Variants in NPAS3 observed in about 807,000 individuals in gnomAD.
The protein encoded by NPAS3 is neuronal PAS domain-containing protein 3.
A neutral mutation model predicts 73.1 loss-of-function variants in NPAS3; 14 were observed. The ratio of observed to expected loss-of-function variants is 0.19; its 90% CI spans 0.13 to 0.30. NPAS3 has a LOEUF of 0.30. Among genes scored for constraint, NPAS3 ranks in the 10% least tolerant of loss-of-function variants. NPAS3 has a pLI of 1.00. For missense variants in NPAS3, 1,096 were observed against 1,250.0 expected, an observed-to-expected ratio of 0.88 and a Z score of 1.86; for synonymous variants, 620 against 541.5, an observed-to-expected ratio of 1.14 and a Z score of -2.01.
chr14:33,324,909 G>C (rs1218891269), intron 3 of NPAS3, among the ~76,000 whole-genome samples: 2 of 152,098 alleles, frequency 1.3e-5, no homozygotes, highest in African/African-American at 4.8e-5. Context: ...TCAAAGCCCT[G>C]GATGTTACAG....
At chr14:33,771,816 A>G (rs2062663532) in intron 7 of NPAS3, among the ~76,000 whole-genome samples, 1 of 152,190 alleles carries the variant, frequency 6.6e-6, no homozygotes, top group Admixed American at 6.5e-5. Context: ...ATCTCAAAAA[A>G]AAAAAAATTG....
chr14:33,172,112 C>T (rs138520835), intron 2 of NPAS3, among the ~76,000 whole-genome samples: 216 of 152,168 alleles, frequency 1.4e-3, no homozygotes, highest in African/African-American at 4.0e-3. Flanking sequence ...CACTGATCAC[C>T]CACCACATAA....
At chr14:33,561,339 G>A (rs1411759244) in intron 5 of NPAS3, among the ~76,000 whole-genome samples, 3 of 152,200 alleles carry the variant, frequency 2.0e-5, no homozygotes, top group Non-Finnish European at 4.4e-5. Flanking sequence ...GATTTGGCAT[G>A]TAAGGAGGCT....
At chr14:33,687,692 A>T (rs1046710444) in intron 6 of NPAS3, among the ~76,000 whole-genome samples, 3 of 152,252 alleles carry the variant, frequency 2.0e-5, no homozygotes, top group Non-Finnish European at 4.4e-5. Context: ...TACATTTCAC[A>T]TGTAAAAACA....
intron 1 of NPAS3, among the ~76,000 whole-genome samples, chr14:32,946,504 T>C (rs1428606422): frequency 2.6e-5 from 4 of 152,132 alleles, no homozygotes. Context: ...TTTAGGAAAC[T>C]TTGTAGCGTG....
At chr14:33,742,381 G>A (rs531257716) in intron 7 of NPAS3, among the ~76,000 whole-genome samples, 284 of 152,322 alleles carry the variant, frequency 1.9e-3, no homozygotes, top group African/African-American at 6.2e-3. Flanking sequence ...TAAAACAAAC[G>A]TGGGAATAAA....
intron 5 of NPAS3, among the ~76,000 whole-genome samples, chr14:33,588,230 T>C (rs1053967197): frequency 1.3e-5 from 2 of 152,194 alleles, no homozygotes; most frequent in Non-Finnish European, 2.9e-5. Context: ...AATGTCTCCT[T>C]CTTTTGCCAC....
intron 7 of NPAS3, among the ~76,000 whole-genome samples, chr14:33,737,920 C>A (rs2061563427): frequency 6.6e-6 from 1 of 152,148 alleles, no homozygotes; most frequent in Admixed American, 6.6e-5. Flanking sequence ...CCATAAAGAT[C>A]CTAAGATGTC....
chr14:33,298,171 T>C (rs1394858310), intron 3 of NPAS3, among the ~76,000 whole-genome samples: 1 of 152,232 alleles, frequency 6.6e-6, no homozygotes, highest in East Asian at 1.9e-4. Flanking sequence ...TAATCCCAGC[T>C]ACTCGGGAGG....
intron 5 of NPAS3, among the ~76,000 whole-genome samples, chr14:33,644,128 A>G (rs1219378851): frequency 1.3e-5 from 2 of 152,198 alleles, no homozygotes; most frequent in African/African-American, 2.4e-5. Flanking sequence ...TCTTGTACCA[A>G]TTCTATTAAA....
intron 1 of NPAS3, among the ~76,000 whole-genome samples, chr14:32,945,899 C>T (rs1176121019): frequency 6.6e-6 from 1 of 152,162 alleles, no homozygotes; most frequent in Non-Finnish European, 1.5e-5. Context: ...AATCAGTTTG[C>T]CACGTACATC....
chr14:33,675,592 C>T (rs1182245369), intron 5 of NPAS3, among the ~76,000 whole-genome samples: 2 of 152,204 alleles, frequency 1.3e-5, no homozygotes, highest in Non-Finnish European at 2.9e-5. Flanking sequence ...CTTCAGACCC[C>T]AGCTGACCTC....
At chr14:33,193,846 T>C (rs1177252302) in intron 2 of NPAS3, among the ~76,000 whole-genome samples, 1 of 152,248 alleles carries the variant, frequency 6.6e-6, no homozygotes, top group African/African-American at 2.4e-5. Context: ...ACTTATTTGG[T>C]CATCATCACC....
chr14:33,484,554 C>T (rs755259133), intron 4 of NPAS3, among the ~76,000 whole-genome samples: 5 of 152,164 alleles, frequency 3.3e-5, no homozygotes, highest in Admixed American at 6.5e-5. Context: ...ATAGTGGTTC[C>T]TCACACCGAA....
chr14:33,396,948 T>C (rs905064776), intron 4 of NPAS3, among the ~76,000 whole-genome samples: 4 of 152,168 alleles, frequency 2.6e-5, no homozygotes, highest in Non-Finnish European at 5.9e-5. Flanking sequence ...TGTGACCTTC[T>C]TTATATGCTT....
rs527628314 is a variant in NPAS3 at position 33,793,528 on chromosome 14, A to G, written c.1154-369A>G. Reference sequence around the variant, plus strand: ...AAAGAGGTCTACCTCCAAGCTATGAATAAATCACATACAAATTTGCCTTTC... The same window carrying G: ...AAAGAGGTCTACCTCCAAGCTATGAGTAAATCACATACAAATTTGCCTTTC... On this transcript the variant is annotated intron_variant, in intron 9 of 11. Coordinates refer to ENST00000356141, the Ensembl canonical transcript of NPAS3. Among the ~76,000 whole-genome samples the G allele has an allele frequency of 3.3e-5, 5 of 152,360 alleles. No homozygotes were observed. The South Asian group carries it at 1.0e-3, about 32-fold the overall frequency.
intron 1 of NPAS3, among the ~76,000 whole-genome samples, chr14:32,951,200 G>A (rs370275626): frequency 6.6e-6 from 1 of 151,906 alleles, no homozygotes. Context: ...TTCATACTGA[G>A]TTGCTAATAC....
At chr14:33,449,018 G>A (rs1314856109) in intron 4 of NPAS3, among the ~76,000 whole-genome samples, 1 of 152,222 alleles carries the variant, frequency 6.6e-6, no homozygotes, top group Non-Finnish European at 1.5e-5. Context: ...TAAAGGAGGA[G>A]AAGGGATTTT....
chr14:33,672,276 T>C (rs1349904242), intron 5 of NPAS3, among the ~76,000 whole-genome samples: 2 of 152,232 alleles, frequency 1.3e-5, no homozygotes, highest in African/African-American at 2.4e-5. Flanking sequence ...GATGCTATAT[T>C]ATAATACATT....
Sources: allele counts gnomAD v4.1 joint callset (sites outside exome capture counted in the v4.1 genomes callset), GRCh38; gene constraint gnomAD v4.1.1; transcripts MANE v1.5; gene names NCBI Gene and HGNC (gene_info 2026-07-23, HGNC 2026-07-21).